TRHDE: variants seen among roughly 807,000 people sequenced by gnomAD.
The protein encoded by TRHDE is thyrotropin-releasing hormone-degrading ectoenzyme.
In TRHDE, 72 loss-of-function variants were observed where a neutral mutation model predicts 125.7. The observed-to-expected ratio is 0.57, with a 90% confidence interval of 0.47 to 0.70. The LOEUF (loss-of-function observed/expected upper bound fraction) is 0.70. Ranked by LOEUF, TRHDE falls within the 30% of genes least tolerant of loss-of-function variation. The pLI is 0.00. For synonymous variants in TRHDE, 509 were observed against 509.1 expected, an observed-to-expected ratio of 1.00 and a Z score of 0.00; for missense variants, 1,110 against 1,327.1, an observed-to-expected ratio of 0.84 and a Z score of 2.54.
rs73137340 is a variant in TRHDE, at chr12:72,275,994, A to G, written c.914+2437A>G. 4.9e-3 allele frequency among the ~76,000 whole-genome samples: 751 copies of G among 152,226 alleles called. 4 individuals are homozygous for G. Among genetic ancestry groups the G allele is most frequent in the Non-Finnish European group, 8.7e-3 (593 of 68,016 alleles). ...TTTTTCCTTCCTCATTATTATTATT[A>G]GAGTAAATCTTATAATTTCTTGGAT... On this transcript the variant is annotated intron_variant, in intron 1 of 18. Coordinates refer to ENST00000261180, the MANE Select transcript of TRHDE (RefSeq NM_013381.3).
At chr12:72,524,861 A>T (rs1229455650) in intron 6 of TRHDE, among the ~76,000 whole-genome samples, 2 of 152,198 alleles carry the variant, frequency 1.3e-5, no homozygotes, top group East Asian at 3.8e-4. Context: ...GAAGCAGCTT[A>T]TGTATCCTGG....
chr12:72,516,398 T>C (rs540095153), intron 6 of TRHDE, among the ~76,000 whole-genome samples: 1 of 152,328 alleles, frequency 6.6e-6, no homozygotes. Context: ...TTTATTCTCT[T>C]TGAAGCAATT....
At position 72,532,982 on chromosome 12, in the gene TRHDE, G is replaced by T. The variant is rs1202666609; in HGVS notation, c.1723-9309G>T. On this transcript the variant is annotated intron_variant, in intron 6 of 18. Coordinates refer to ENST00000261180, the MANE Select transcript of TRHDE (RefSeq NM_013381.3). ...CATCATAGAAATTGTTGAAAAGCTT[G>T]TACTCATTTTCAATTCCTTTATAGT... Among the ~76,000 whole-genome samples the T allele has an allele frequency of 3.3e-5, 5 of 151,950 alleles. No homozygotes were observed. In the East Asian group the frequency reaches 9.7e-4, roughly 29 times the overall value.
chr12:72,423,157 C>A (rs987202943), intron 3 of TRHDE, among the ~76,000 whole-genome samples: 4 of 152,066 alleles, frequency 2.6e-5, no homozygotes, highest in African/African-American at 9.7e-5. Flanking sequence ...TGTACATGAT[C>A]CCTGACTTAT....
intron 3 of TRHDE, among the ~76,000 whole-genome samples, chr12:72,467,265 G>T (rs1216244224): frequency 6.9e-6 from 1 of 145,434 alleles, no homozygotes; most frequent in African/African-American, 2.6e-5. Context: ...CCTGGTATAC[G>T]ATGTTCCCCT....
Position 72,222,567 on chromosome 12 carries a change from G to C in TRHDE, n.279+116815G>C, listed in dbSNP as rs181334265. ...AAGAGGATGAGAATTTGCATTTCTGGTAAGTTCCAAGGTGATATTGATGCT... is the reference window on the plus strand; with the variant it reads ...AAGAGGATGAGAATTTGCATTTCTGCTAAGTTCCAAGGTGATATTGATGCT... On this transcript the variant is annotated intron_variant and non_coding_transcript_variant, in intron 2 of 4. Transcript: ENST00000548156. 1.4e-3 allele frequency among the ~76,000 whole-genome samples: 207 copies of C among 152,228 alleles called. 2 individuals are homozygous for C. The highest frequency in any genetic ancestry group is 2.3e-3 in the Admixed American group (35 of 15,268).
chr12:72,480,221 C>A (rs987928113), intron 5 of TRHDE, among the ~76,000 whole-genome samples: 2 of 150,552 alleles, frequency 1.3e-5, no homozygotes, highest in African/African-American at 2.5e-5. Context: ...AGTTCTAGAT[C>A]CCTGAGGAAT....
chr12:72,140,481 A>T (rs1876087922), intron 2 of TRHDE: 1 of 152,050 alleles, frequency 6.6e-6, no homozygotes, highest in Admixed American at 6.5e-5. Flanking sequence ...AATGTATAAA[A>T]CCAAGCTGTA....
intron 2 of TRHDE, among the ~76,000 whole-genome samples, chr12:72,151,571 T>C (rs1242927845): frequency 1.3e-5 from 2 of 151,868 alleles, no homozygotes; most frequent in African/African-American, 2.4e-5. Context: ...TTAATTTTTG[T>C]ATAAGGTGTA....
At chr12:72,340,996 A>G (rs534171634) in intron 2 of TRHDE, among the ~76,000 whole-genome samples, 171 of 151,978 alleles carry the variant, frequency 1.1e-3, no homozygotes, top group Middle Eastern at 3.4e-3. Context: ...GTATTTGCCC[A>G]TTTCTTCCAT....
Position 72,546,095 on chromosome 12 carries a change from C to T in TRHDE, c.1788+3739C>T, listed in dbSNP as rs562909869. ...CTCAGTGAAATTTAGACCTTCAAGT[C>T]CTGCATTCCGATTCTTCATCCTACA... On this transcript the variant is annotated intron_variant, in intron 7 of 18. Coordinates refer to ENST00000261180, the MANE Select transcript of TRHDE (RefSeq NM_013381.3). Among the ~76,000 whole-genome samples, 22 of 151,742 alleles carry T rather than the reference C, an allele frequency of 1.4e-4. 1 individual carries two copies. The South Asian group carries it at 4.6e-3, about 31-fold the overall frequency.
chr12:72,629,418 T>C (rs1262775486), intron 15 of TRHDE, among the ~76,000 whole-genome samples: 2 of 151,744 alleles, frequency 1.3e-5, no homozygotes, highest in African/African-American at 2.4e-5. Context: ...TGTGCTAGTA[T>C]TGTTTGCCTA....
intron 1 of TRHDE, among the ~76,000 whole-genome samples, chr12:72,275,513 C>T (rs1010397941): frequency 5.3e-5 from 8 of 152,038 alleles, no homozygotes; most frequent in Admixed American, 3.9e-4. Flanking sequence ...ATGTCAAATA[C>T]GGGGGAAAGG....
intron 10 of TRHDE, among the ~76,000 whole-genome samples, chr12:72,574,657 C>T (rs1175760527): frequency 1.3e-5 from 2 of 151,924 alleles, no homozygotes; most frequent in Non-Finnish European, 1.5e-5. Flanking sequence ...CCAAAGTGAT[C>T]CCAATAAGCA....
chr12:72,218,880 A>G (rs1484822), intron 2 of TRHDE, among the ~76,000 whole-genome samples: 94,235 of 152,082 alleles, frequency 0.62, 29,716 homozygotes, highest in Non-Finnish European at 0.68. Context: ...TGCTTTCTCC[A>G]AATAAGTTAC....
chr12:72,252,463 G>C (rs746936570), intron 2 of TRHDE, among the ~76,000 whole-genome samples: 35 of 152,100 alleles, frequency 2.3e-4, no homozygotes, highest in Non-Finnish European at 2.7e-4. Context: ...GTTTATATGG[G>C]TCTATTCCTG....
At chr12:72,301,105 A>G (rs1422559912) in intron 2 of TRHDE, among the ~76,000 whole-genome samples, 2 of 152,148 alleles carry the variant, frequency 1.3e-5, no homozygotes, top group Non-Finnish European at 2.9e-5. Flanking sequence ...TGAGAGAAAA[A>G]TGAAGAAATA....
chr12:72,387,568 C>T (rs1414574458), intron 3 of TRHDE, among the ~76,000 whole-genome samples: 1 of 152,126 alleles, frequency 6.6e-6, no homozygotes, highest in Admixed American at 6.6e-5. Context: ...TTCTGCTGTT[C>T]AAACATTTCA....
chr12:72,533,677 T>C (rs1056667564), intron 6 of TRHDE, among the ~76,000 whole-genome samples: 1 of 151,642 alleles, frequency 6.6e-6, no homozygotes, highest in Non-Finnish European at 1.5e-5. Context: ...ATGGACTCTT[T>C]ATGTTTTATT....
Sources: gnomAD v4.1 joint callset for allele counts (sites outside exome capture counted in the v4.1 genomes callset) on GRCh38, gnomAD v4.1.1 for gene constraint, MANE v1.5 for transcripts, NCBI Gene and HGNC (gene_info 2026-07-23, HGNC 2026-07-21) for gene names.